The following DNAH17 variants were observed in gnomAD, a reference collection of about 807,000 sequenced individuals.
The protein encoded by DNAH17 is axonemal beta dynein heavy chain 17.
In DNAH17, 376 loss-of-function variants were observed where a neutral mutation model predicts 485.6. The ratio of observed to expected loss-of-function variants is 0.77; its 90% confidence interval spans 0.71 to 0.84. The LOEUF is 0.84. DNAH17 is among the 40% of genes least tolerant of loss of function. The pLI is 0.00. For missense variants in DNAH17, 6,370 were observed against 5,839.3 expected (o/e 1.09, Z -2.96); for synonymous variants, 3,031 against 2,405.9 (o/e 1.26, Z -7.60).
At chr17:78,533,164 C>G (rs2091286522) in intron 19 of DNAH17, 1 of 188,394 alleles carries the variant, frequency 5.3e-6, no homozygotes, top group Non-Finnish European at 1.1e-5. Context: ...ATGACTCACA[C>G]ATTGATTCAT....
intron 19 of DNAH17, 32 bp downstream of exon 19, chr17:78,537,267 C>G (rs2091403272): frequency 2.6e-6 from 4 of 1,545,540 alleles, no homozygotes; most frequent in Non-Finnish European, 3.5e-6. Flanking sequence ...AATGGATGAC[C>G]CTGTGTACGG....
chr17:78,526,898 C>A lies in DNAH17; in HGVS notation c.3606G>T (p.Arg1202=). 6.3e-7 allele frequency: 1 copy of A among 1,576,256 alleles called. No individual in the cohort carries two copies. Among genetic ancestry groups the A allele is most frequent in the Admixed American group, 1.9e-5 (1 of 53,760 alleles). ...ATAATACCTCGAATTGCTGGCATTT[C>A]CGCCGCAGGATGCTGACCTCGTTGG... ...LQANEVSILR[R]KCQQFELKQH... is the part of the protein sequence containing the mutation. The change falls in exon 23 of 81, where the codon CGG becomes CGT. Residue 1202 remains arginine, a synonymous_variant. Transcript: ENST00000389840.
At position 78,494,088 on chromosome 17, in the gene DNAH17, T is replaced by A; in HGVS notation, c.6356A>T (p.Gln2119Leu). Residue 2119 changes from glutamine (Q) to leucine (L), a missense_variant, in exon 41 of 81, where the codon CAG becomes CTG. Gln to Leu is a moderately radical substitution (Grantham distance 113, BLOSUM62 -2). Coordinates refer to ENST00000389840, the MANE Select transcript of DNAH17 (RefSeq NM_173628.4). ...LKVVQLEELL[Q>L]VRHSVFIVGN... ...GACGATGAACACGGAGTGGCGGACC[T>A]GCAGCAGCTCCTCCAGCTGCACCAC... is the stretch of plus-strand genomic sequence containing the variant. 1.2e-6 allele frequency: 2 copies of A among 1,612,700 alleles called. No homozygotes were observed. The highest frequency in any genetic ancestry group is 1.7e-6 in the Non-Finnish European group (2 of 1,179,802).
chr17:78,535,865 T>C (rs1239765914), intron 19 of DNAH17, among the ~76,000 whole-genome samples: 4 of 152,226 alleles, frequency 2.6e-5, no homozygotes, highest in South Asian at 2.1e-4. Context: ...TGGGCCAGAA[T>C]TGGTCAAGCC....
chr17:78,558,890 G>A (rs2092090500), intron 13 of DNAH17, among the ~76,000 whole-genome samples: 1 of 152,072 alleles, frequency 6.6e-6, no homozygotes, highest in Admixed American at 6.5e-5. Context: ...GAATCCACTG[G>A]TCACATCACG....
intron 25 of DNAH17, among the ~76,000 whole-genome samples, chr17:78,522,998 T>G (rs2090972938): frequency 2.6e-5 from 4 of 151,996 alleles, no homozygotes; most frequent in Admixed American, 2.6e-4. Flanking sequence ...GGATCACAAG[T>G]GCACACCACC....
At chr17:78,570,897 A>C in intron 6 of DNAH17, 51 bp downstream of exon 6, 1 of 1,042,352 alleles carries the variant, frequency 9.6e-7, no homozygotes. Flanking sequence ...AAAAGAAAAG[A>C]AAAGAAACAA....
chr17:78,500,381 T>G lies in DNAH17; in HGVS notation c.5564A>C (p.Glu1855Ala). Residue 1855 changes from glutamate (E) to alanine (A), a missense_variant, in exon 36 of 81, where the codon GAG becomes GCG. Physicochemically the swap from Glu to Ala is moderately radical, Grantham distance 107 (BLOSUM62 -1). Coordinates refer to ENST00000389840, the MANE Select transcript of DNAH17 (RefSeq NM_173628.4). ...GGCTCTGCCCAGGTCCTTGGTCGTC[T>G]CAGTCTTGCCGGTCCCAGCGGGGCC... is the stretch of plus-strand genomic sequence containing the variant. ...PAGPAGTGKTETTKDLGRALG... is the reference protein window; with the variant it reads ...PAGPAGTGKTATTKDLGRALG... The G allele has an allele frequency of 6.2e-7, 1 of 1,612,574 alleles. No homozygotes were observed. Among genetic ancestry groups the G allele is most frequent in the Non-Finnish European group, 8.5e-7 (1 of 1,179,428 alleles).
intron 21 of DNAH17, 33 bp from the exon 22 acceptor site, chr17:78,529,727 A>T: frequency 1.2e-6 from 2 of 1,602,862 alleles, no homozygotes; most frequent in Non-Finnish European, 1.7e-6. Context: ...GTGTGGCCCC[A>T]GCCCCCCTTA....
intron 26 of DNAH17, among the ~76,000 whole-genome samples, chr17:78,511,291 A>G (rs1370515381): frequency 6.6e-6 from 1 of 152,196 alleles, no homozygotes; most frequent in Non-Finnish European, 1.5e-5. Flanking sequence ...TATTTTTAGT[A>G]GAGACGGGGT....
At chr17:78,510,741 C>A (rs1310594588) in intron 26 of DNAH17, 2 of 385,796 alleles carry the variant, frequency 5.2e-6, no homozygotes, top group African/African-American at 3.7e-5. Flanking sequence ...CTGCACTGGG[C>A]GGAATTGCGG....
chr17:78,506,955 G>T, intron 29 of DNAH17, 109 bp from the exon 30 acceptor site: 1 of 1,443,590 alleles, frequency 6.9e-7, no homozygotes, highest in African/African-American at 1.4e-5. Context: ...TGCCTGGACT[G>T]CTGTTCACAG....
chr17:78,561,652 T>C, intron 12 of DNAH17, 63 bp downstream of exon 12: 1 of 1,514,672 alleles, frequency 6.6e-7, no homozygotes, highest in South Asian at 1.3e-5. Context: ...GTTGGGACAG[T>C]CCCTCTCGCT....
At chr17:78,494,227 C>T in intron 40 of DNAH17, 54 bp from the exon 41 acceptor site, 1 of 1,574,394 alleles carries the variant, frequency 6.4e-7, no homozygotes, top group Non-Finnish European at 8.6e-7. Flanking sequence ...TTTCTTTCTT[C>T]TCGCTGGGAG....
intron 26 of DNAH17, among the ~76,000 whole-genome samples, chr17:78,514,417 A>T (rs1011802819): frequency 3.4e-5 from 5 of 147,700 alleles, no homozygotes; most frequent in African/African-American, 5.1e-5. Context: ...AGGCAGAAGA[A>T]CTGCTTGAAC....
chr17:78,575,874 C>G (rs1182932298), intron 1 of DNAH17, among the ~76,000 whole-genome samples: 2 of 152,208 alleles, frequency 1.3e-5, no homozygotes, highest in Non-Finnish European at 1.5e-5. Context: ...TGAATGCAAA[C>G]AAATTTATGA....
chr17:78,564,634 A>G (rs1017237852), intron 11 of DNAH17, among the ~76,000 whole-genome samples: 3 of 152,132 alleles, frequency 2.0e-5, no homozygotes, highest in African/African-American at 7.2e-5. Context: ...CTAGAGCGAA[A>G]CTACCTCCCA....
Position 78,490,977 on chromosome 17 carries a change from T to C in DNAH17, c.6670-130A>G. ...GGGCCCAGGCCAGCCCTGCCACCCC[T>C]GGCCCACAGCCCTAGTCCCTTGGCC... On this transcript the variant is annotated intron_variant, in intron 43 of 80. Transcript: ENST00000389840. 4.2e-6 allele frequency: 5 copies of C among 1,184,590 alleles called. No homozygotes were observed. The South Asian group carries it at 8.1e-5, about 19-fold the overall frequency. The allele number at this position is 1,184,590 out of a possible 1,614,324, so 73.4% of individuals were successfully genotyped here.
intron 18 of DNAH17, among the ~76,000 whole-genome samples, chr17:78,538,195 T>TA (rs1461965664): frequency 6.6e-6 from 1 of 150,614 alleles, no homozygotes; most frequent in African/African-American, 2.4e-5. Flanking sequence ...TGTTCTGGGT[T>TA]ACTACAGGGG....
Sources: gnomAD v4.1 joint callset for allele counts (sites outside exome capture counted in the v4.1 genomes callset) on GRCh38, gnomAD v4.1.1 for gene constraint, MANE v1.5 for transcripts, NCBI Gene and HGNC (gene_info 2026-07-23, HGNC 2026-07-21) for gene names.